The following TOP1 variants were observed in gnomAD, a reference collection of about 807,000 sequenced individuals.
TOP1 encodes DNA topoisomerase 1.
Under a neutral mutation model 111.1 loss-of-function variants are expected in TOP1, and 10 were observed. The observed-to-expected ratio is 0.09, with a 90% CI of 0.06 to 0.15. The LOEUF is 0.15. TOP1 is among the 10% of genes least tolerant of loss of function. The pLI is 1.00. For synonymous variants in TOP1, 271 were observed against 302.9 expected, an observed-to-expected ratio of 0.89 and a Z score of 1.10; for missense variants, 474 against 926.7, an observed-to-expected ratio of 0.51 and a Z score of 6.34.
chr20:41,087,798 C>G (rs945909294), intron 8 of TOP1, among the ~76,000 whole-genome samples: 1 of 152,164 alleles, frequency 6.6e-6, no homozygotes, highest in Non-Finnish European at 1.5e-5. Flanking sequence ...AGTTTACTTT[C>G]CTGTCTTTAT....
chr20:41,076,085 G>T, intron 3 of TOP1, 86 bp from the exon 4 acceptor site: 1 of 1,436,204 alleles, frequency 7.0e-7, no homozygotes, highest in African/African-American at 1.4e-5. Context: ...AAGTTTCCAC[G>T]GTTCATGTTA....
chr20:41,033,448 G>C (rs2033146492), intron 2 of TOP1, among the ~76,000 whole-genome samples: 1 of 150,816 alleles, frequency 6.6e-6, no homozygotes, highest in African/African-American at 2.4e-5. Flanking sequence ...TCATTAGTTT[G>C]TTCAGATTAT....
chr20:41,062,674 G>A (rs2033560030), intron 3 of TOP1, among the ~76,000 whole-genome samples: 1 of 152,146 alleles, frequency 6.6e-6, no homozygotes, highest in African/African-American at 2.4e-5. Context: ...GAACATAGCA[G>A]TTATAAATGT....
At position 41,097,345 on chromosome 20, in the gene TOP1, C is replaced by T. The variant is rs1194761319; in HGVS notation, c.852+4C>T. The T allele has an allele frequency of 3.7e-6, 6 of 1,611,856 alleles. No homozygotes were observed. Among genetic ancestry groups the T allele is most frequent in the Non-Finnish European group, 5.1e-6 (6 of 1,179,096 alleles). On this transcript the variant is annotated splice_donor_region_variant and intron_variant, in intron 10 of 20. Transcript: ENST00000361337. This position sits in a 1 kb window ranked among gnomAD's most constrained non-coding sequence, Gnocchi z 4.2. ...TTTCTTTAAAGACTGGAGAAAGGTA[C>T]TGTAGCCCATGTGTTAATATCCTAG...
chr20:41,113,039 T>A, intron 14 of TOP1, 114 bp downstream of exon 14: 3 of 1,085,654 alleles, frequency 2.8e-6, no homozygotes, highest in South Asian at 1.7e-5. Flanking sequence ...ATACATATAT[T>A]TGTATGTAAA....
At chr20:41,062,464 A>G (rs958973990) in intron 3 of TOP1, among the ~76,000 whole-genome samples, 8 of 152,090 alleles carry the variant, frequency 5.3e-5, no homozygotes, top group African/African-American at 1.9e-4. Context: ...TTTTTTCCCT[A>G]TCCCTCACTT....
chr20:41,107,083 C>T (rs1370413070), intron 13 of TOP1, among the ~76,000 whole-genome samples: 1 of 152,082 alleles, frequency 6.6e-6, no homozygotes, highest in Non-Finnish European at 1.5e-5. Context: ...AACAGTGGCA[C>T]TCACTCACCT....
intron 9 of TOP1, among the ~76,000 whole-genome samples, chr20:41,093,608 C>A (rs2033946647): frequency 6.6e-6 from 1 of 152,222 alleles, no homozygotes; most frequent in African/African-American, 2.4e-5. Context: ...CTGTTTTCTT[C>A]TCACCCATCC....
chr20:41,080,246 T>C lies in TOP1; in HGVS notation c.431+66T>C. ...GGAGGAGTTTAAAGAATAAATGTGA[T>C]GTGTTTCTTTATAATACATATAGAA... On this transcript the variant is annotated intron_variant, in intron 6 of 20. Coordinates refer to ENST00000361337, the MANE Select transcript of TOP1 (RefSeq NM_003286.4). The surrounding 1 kb of genome is among the most constrained non-coding windows in gnomAD (Gnocchi z 5.0). 1 of 969,788 alleles carries C rather than the reference T, an allele frequency of 1.0e-6. No homozygotes were observed. The highest frequency in any genetic ancestry group is 1.6e-6 in the Non-Finnish European group (1 of 637,234). 60.1% of individuals were successfully genotyped at this position (969,788 alleles called of 1,614,324 possible). A position where few individuals can be genotyped will look rare whatever the true frequency, so the allele number is the denominator to read the frequency against.
In TOP1 at chr20:41,077,566, T is replaced by C; in HGVS notation, c.280-16T>C. 1 of 1,612,176 alleles carries C rather than the reference T, an allele frequency of 6.2e-7. No individual in the cohort carries two copies. Among genetic ancestry groups the C allele is most frequent in the Non-Finnish European group, 8.5e-7 (1 of 1,178,200 alleles). On this transcript the variant is annotated splice_polypyrimidine_tract_variant and intron_variant, in intron 4 of 20. Coordinates refer to ENST00000361337, the MANE Select transcript of TOP1 (RefSeq NM_003286.4). Reference sequence around the variant, plus strand: ...AGTCCTTTCAAGGTACTAGTTACTGTTGTTTTACTTTTCAGGTTCGAGCCT... The same window carrying C: ...AGTCCTTTCAAGGTACTAGTTACTGCTGTTTTACTTTTCAGGTTCGAGCCT...
At chr20:41,056,014 T>C (rs2033466197) in intron 2 of TOP1, among the ~76,000 whole-genome samples, 1 of 152,228 alleles carries the variant, frequency 6.6e-6, no homozygotes, top group Admixed American at 6.5e-5. Context: ...AACTCCCATG[T>C]GTCTGTCACT....
chr20:41,098,096 C>T lies in TOP1; in HGVS notation c.853-119C>T. 1 of 993,580 alleles carries T rather than the reference C, an allele frequency of 1.0e-6. No homozygotes were observed. 61.5% of individuals were successfully genotyped at this position (993,580 alleles called of 1,614,324 possible). A position where few individuals can be genotyped will look rare whatever the true frequency, so the allele number is the denominator to read the frequency against. On this transcript the variant is annotated intron_variant, in intron 10 of 20. Coordinates refer to ENST00000361337, the MANE Select transcript of TOP1 (RefSeq NM_003286.4). This position sits in a 1 kb window ranked among gnomAD's most constrained non-coding sequence, Gnocchi z 5.7. ...TTCAAAATTCATTAATTGAGATTGG[C>T]TACTTCCAGAAACCTTTGACTGAAA...
At chr20:41,085,783 G>A (rs1224117945) in intron 8 of TOP1, among the ~76,000 whole-genome samples, 2 of 152,216 alleles carry the variant, frequency 1.3e-5, no homozygotes, top group African/African-American at 2.4e-5. Flanking sequence ...CACCTCTGAG[G>A]AAAGGGAGAA....
At position 41,121,845 on chromosome 20, in the gene TOP1, T is replaced by C. The variant is rs2034428669; in HGVS notation, c.2045+55T>C. Reference sequence around the variant, plus strand: ...CTGGTAGAGAAAAGTGTGCAGCATCTGTCAGGGCCCCTGGGGCCCTGGCTT... The same window carrying C: ...CTGGTAGAGAAAAGTGTGCAGCATCCGTCAGGGCCCCTGGGGCCCTGGCTT... On this transcript the variant is annotated intron_variant, in intron 19 of 20. Transcript: ENST00000361337. This position sits in a 1 kb window ranked among gnomAD's most constrained non-coding sequence, Gnocchi z 4.2. 5 of 1,577,874 alleles carry C rather than the reference T, an allele frequency of 3.2e-6. No individual in the cohort carries two copies. The African/African-American group carries it at 4.0e-5, about 13-fold the overall frequency.
chr20:41,080,081 T>G lies in TOP1; in HGVS notation c.336-4T>G. 6.2e-7 allele frequency: 1 copy of G among 1,601,318 alleles called. No individual in the cohort carries two copies. The highest frequency in any genetic ancestry group is 8.5e-7 in the Non-Finnish European group (1 of 1,170,772). On this transcript the variant is annotated splice_region_variant and splice_polypyrimidine_tract_variant and intron_variant, in intron 5 of 20. Coordinates refer to ENST00000361337, the MANE Select transcript of TOP1 (RefSeq NM_003286.4). This position sits in a 1 kb window ranked among gnomAD's most constrained non-coding sequence, Gnocchi z 5.0. ...CTCTGACCAGCAATTTTTTTTCTCT[T>G]TAGTCCACCACAAATTAAAGATGAA...
intron 8 of TOP1, among the ~76,000 whole-genome samples, chr20:41,086,277 GA>G (rs899145463): frequency 4.0e-4 from 59 of 147,950 alleles, no homozygotes; most frequent in African/African-American, 1.1e-3. Context: ...AAAAAAAAAA[GA>G]AAAAAAACCC....
intron 13 of TOP1, among the ~76,000 whole-genome samples, chr20:41,103,750 T>C (rs1345260640): frequency 6.6e-6 from 1 of 152,200 alleles, no homozygotes; most frequent in East Asian, 1.9e-4. Flanking sequence ...AAGCTCTTGC[T>C]CACCTCTGGG....
rs1428493957 is a variant in TOP1 at position 41,112,043 on chromosome 20, T to C, written c.1309-739T>C. On this transcript the variant is annotated intron_variant, in intron 13 of 20. Transcript: ENST00000361337. The surrounding 1 kb of genome is among the most constrained non-coding windows in gnomAD (Gnocchi z 5.8). ...TTAACCCTTCCACCAAAAGCTCTTA[T>C]TTTTTTAAAGGCTTCCCAGAAACAT... 6.6e-6 allele frequency among the ~76,000 whole-genome samples: 1 copy of C among 152,196 alleles called. No individual in the cohort carries two copies. The highest frequency in any genetic ancestry group is 2.4e-5 in the African/African-American group (1 of 41,448).
Position 41,099,130 on chromosome 20 carries a change from T to G in TOP1, c.975+793T>G, listed in dbSNP as rs547196592. On this transcript the variant is annotated intron_variant, in intron 11 of 20. Transcript: ENST00000361337. ...TGTAGTTTCAGTATTTTAAAGGACT[T>G]GCGTGTTTACGTAATTCAGACCATT... 7.2e-5 allele frequency among the ~76,000 whole-genome samples: 11 copies of G among 152,344 alleles called. No individual in the cohort carries two copies. In the South Asian group the frequency reaches 2.1e-3, roughly 29 times the overall value.
Sources: allele counts gnomAD v4.1 joint callset (sites outside exome capture counted in the v4.1 genomes callset), GRCh38; gene constraint gnomAD v4.1.1; non-coding constraint Gnocchi (gnomAD v3.1); transcripts MANE v1.5; gene names NCBI Gene and HGNC (gene_info 2026-07-23, HGNC 2026-07-21).